The following CDH13 variants were observed in gnomAD, a reference collection of about 807,000 sequenced individuals.
The protein encoded by CDH13 is cadherin 13, also known as cadherin-13.
A neutral mutation model predicts 63.8 loss-of-function variants in CDH13; 24 were observed. The observed-to-expected ratio is 0.38, with a 90% CI of 0.27 to 0.53. The LOEUF (loss-of-function observed/expected upper bound fraction) is 0.53. Ranked by LOEUF, CDH13 falls within the 20% of genes least tolerant of loss-of-function variation. The pLI is 0.85. For synonymous variants in CDH13, 503 were observed against 355.3 expected (o/e 1.42, Z -4.67); for missense variants, 1,049 against 903.1 (o/e 1.16, Z -2.07).
chr16:83,354,430 T>C (rs2091015172), intron 6 of CDH13, among the ~76,000 whole-genome samples: 1 of 152,220 alleles, frequency 6.6e-6, no homozygotes, highest in African/African-American at 2.4e-5. Context: ...GATAATATTA[T>C]AGGGGCTGGG....
At chr16:83,052,907 G>T (rs909070756) in intron 3 of CDH13, among the ~76,000 whole-genome samples, 1 of 151,902 alleles carries the variant, frequency 6.6e-6, no homozygotes, top group African/African-American at 2.4e-5. Context: ...AGTAAAATAG[G>T]TTGTACAGAT....
chr16:82,912,966 C>T (rs1186152296), intron 2 of CDH13, among the ~76,000 whole-genome samples: 1 of 151,008 alleles, frequency 6.6e-6, no homozygotes, highest in African/African-American at 2.4e-5. Flanking sequence ...AAGAGTGGTG[C>T]TTCAAAATTG....
intron 2 of CDH13, among the ~76,000 whole-genome samples, chr16:82,867,007 T>G (rs1397743637): frequency 1.3e-5 from 2 of 152,198 alleles, no homozygotes; most frequent in South Asian, 2.1e-4. Flanking sequence ...CATGCAAGCT[T>G]CTGTGAGTGT....
chr16:82,709,929 G>T (rs1274857505), intron 1 of CDH13, among the ~76,000 whole-genome samples: 2 of 152,018 alleles, frequency 1.3e-5, no homozygotes, highest in Non-Finnish European at 2.9e-5. Flanking sequence ...AAGGGCTCTA[G>T]ATGAGGATGT....
chr16:82,716,117 C>T (rs11150489), intron 1 of CDH13, among the ~76,000 whole-genome samples: 2,199 of 152,298 alleles, frequency 0.014, 54 homozygotes, highest in Middle Eastern at 0.068. Flanking sequence ...GCTGGCCTGG[C>T]CTCAGGAGAC....
intron 7 of CDH13, among the ~76,000 whole-genome samples, chr16:83,581,702 C>G (rs982635240): frequency 1.1e-4 from 17 of 152,054 alleles, no homozygotes; most frequent in African/African-American, 4.1e-4. Context: ...CCTTGTAGTC[C>G]CAGCTGCTAG....
chr16:83,370,693 G>A (rs911919577), intron 6 of CDH13, among the ~76,000 whole-genome samples: 1 of 152,080 alleles, frequency 6.6e-6, no homozygotes, highest in Non-Finnish European at 1.5e-5. Flanking sequence ...TCAGTGTTTA[G>A]CTCCCACTTA....
At position 82,672,999 on chromosome 16, in the gene CDH13, C is replaced by CTTTTTT. The variant is rs562942948; in HGVS notation, c.45+45877_45+45882dup. Among the ~76,000 whole-genome samples, 513 of 81,214 alleles carry CTTTTTT rather than the reference C, an allele frequency of 6.3e-3. 75 individuals carry two copies. The highest frequency in any genetic ancestry group is 0.024 in the African/African-American group (442 of 18,592). The allele number at this position is 81,214 out of a possible 152,430, so 53.3% of individuals were successfully genotyped here. A position where few individuals can be genotyped will look rare whatever the true frequency, so the allele number is the denominator to read the frequency against. ...GTATGGCTAATTTTTATAAAGTTTT[C>CTTTTTT]TTTTTTTTTTTTTTTTTTTTGTAGA... On this transcript the variant is annotated intron_variant, in intron 1 of 13. Coordinates refer to ENST00000567109, the MANE Select transcript of CDH13 (RefSeq NM_001257.5).
chr16:83,015,725 A>G (rs971322977), intron 2 of CDH13, among the ~76,000 whole-genome samples: 5 of 130,692 alleles, frequency 3.8e-5, no homozygotes, highest in South Asian at 2.5e-4. Flanking sequence ...ATATATATAA[A>G]GAAAAAGCAC....
At chr16:83,615,343 A>G (rs1909197540) in intron 8 of CDH13, among the ~76,000 whole-genome samples, 1 of 152,168 alleles carries the variant, frequency 6.6e-6, no homozygotes, top group South Asian at 2.1e-4. Flanking sequence ...ATTTCTTAGA[A>G]GATGGAACAC....
At chr16:82,967,665 C>G (rs567607554) in intron 2 of CDH13, among the ~76,000 whole-genome samples, 1 of 152,158 alleles carries the variant, frequency 6.6e-6, no homozygotes, top group Non-Finnish European at 1.5e-5. Context: ...AGAGACCCCC[C>G]CAGCCTGCTT....
At chr16:83,084,354 T>C (rs1373790104) in intron 3 of CDH13, among the ~76,000 whole-genome samples, 1 of 152,202 alleles carries the variant, frequency 6.6e-6, no homozygotes, top group Non-Finnish European at 1.5e-5. Flanking sequence ...TTTACGTTCA[T>C]GTCTGTCCAG....
chr16:83,394,819 G>A (rs1331479427), intron 6 of CDH13, among the ~76,000 whole-genome samples: 1 of 152,104 alleles, frequency 6.6e-6, no homozygotes, highest in Non-Finnish European at 1.5e-5. Context: ...TGACTGATTT[G>A]CTGATGGATG....
intron 6 of CDH13, among the ~76,000 whole-genome samples, chr16:83,483,269 G>A (rs565904874): frequency 1.3e-5 from 2 of 152,278 alleles, no homozygotes; most frequent in East Asian, 3.9e-4. Context: ...ATTCGTGTCT[G>A]GGTGAAGACA....
At chr16:83,768,086 G>A (rs1173034761) in intron 11 of CDH13, among the ~76,000 whole-genome samples, 1 of 152,046 alleles carries the variant, frequency 6.6e-6, no homozygotes, top group Non-Finnish European at 1.5e-5. Context: ...ATAGATAAAT[G>A]TATTATTTTA....
intron 1 of CDH13, among the ~76,000 whole-genome samples, chr16:82,629,135 G>A (rs75304884): frequency 2.4e-4 from 37 of 152,312 alleles, no homozygotes; most frequent in South Asian, 1.7e-3. Context: ...ACGTGACAGG[G>A]CCCCAGGATC....
chr16:83,171,871 A>T (rs2037934385), intron 4 of CDH13, among the ~76,000 whole-genome samples: 1 of 152,162 alleles, frequency 6.6e-6, no homozygotes, highest in African/African-American at 2.4e-5. Context: ...TTGCCATTTT[A>T]TAATGCTATC....
intron 4 of CDH13, among the ~76,000 whole-genome samples, chr16:83,129,954 T>G (rs2035978107): frequency 6.6e-6 from 1 of 152,236 alleles, no homozygotes; most frequent in Admixed American, 6.5e-5. Context: ...TGAAACCCCC[T>G]GTACTTGCCT....
intron 1 of CDH13, among the ~76,000 whole-genome samples, chr16:82,790,203 G>A (rs909951714): frequency 7.9e-5 from 12 of 152,116 alleles, no homozygotes; most frequent in Non-Finnish European, 1.0e-4. Flanking sequence ...TTGGGAGGCC[G>A]AGGCAGGCAG....
Sources: gnomAD v4.1 joint callset for allele counts (sites outside exome capture counted in the v4.1 genomes callset) on GRCh38, gnomAD v4.1.1 for gene constraint, MANE v1.5 for transcripts, NCBI Gene and HGNC (gene_info 2026-07-23, HGNC 2026-07-21) for gene names.